LINGO2: variants seen among roughly 807,000 people sequenced by gnomAD.
LINGO2 encodes the protein leucine-rich repeat and immunoglobulin-like domain-containing nogo receptor-interacting protein 2.
A neutral mutation model predicts 30.6 loss-of-function variants in LINGO2; 14 were observed. The ratio of observed to expected loss-of-function variants is 0.46; its 90% CI spans 0.30 to 0.72. The LOEUF is 0.72. Among genes scored for constraint, LINGO2 ranks in the 30% least tolerant of loss-of-function variants. The pLI is 0.07. For synonymous variants in LINGO2, 317 were observed against 288.5 expected (o/e 1.10, Z -1.00); for missense variants, 729 against 751.7 (o/e 0.97, Z 0.35).
intron 4 of LINGO2, among the ~76,000 whole-genome samples, chr9:28,180,225 C>T (rs1828873665): frequency 6.6e-6 from 1 of 152,108 alleles, no homozygotes; most frequent in African/African-American, 2.4e-5. Flanking sequence ...TGTGCTATCT[C>T]CCTCAGGTGA....
At chr9:28,624,839 C>T (rs1197730686) in intron 1 of LINGO2, among the ~76,000 whole-genome samples, 2 of 151,234 alleles carry the variant, frequency 1.3e-5, no homozygotes, top group Non-Finnish European at 2.9e-5. Flanking sequence ...TGTGGCTGAG[C>T]TGATATCCAG....
At chr9:28,037,927 G>A (rs2132953706) in intron 4 of LINGO2, among the ~76,000 whole-genome samples, 1 of 152,316 alleles carries the variant, frequency 6.6e-6, no homozygotes, top group Non-Finnish European at 1.5e-5. Context: ...CCTGTGAGAA[G>A]GGATGTTCTC....
intron 1 of LINGO2, among the ~76,000 whole-genome samples, chr9:28,577,993 G>A (rs1051200027): frequency 2.6e-5 from 4 of 152,150 alleles, no homozygotes; most frequent in African/African-American, 9.7e-5. Context: ...GCTCTCTTCT[G>A]ATGATGGAGA....
At chr9:28,507,579 G>A (rs989683799) in intron 1 of LINGO2, among the ~76,000 whole-genome samples, 7 of 152,220 alleles carry the variant, frequency 4.6e-5, no homozygotes, top group African/African-American at 1.7e-4. Context: ...AGATGTCCAA[G>A]ATAGGTTAGT....
chr9:28,928,775 G>A, the LINGO2 span, among the ~76,000 whole-genome samples: 1 of 152,114 alleles, frequency 6.6e-6, no homozygotes, highest in African/African-American at 2.4e-5. Context: ...ATGAAATAGT[G>A]CAATTCCCTC....
chr9:28,548,222 G>C (rs1295931485), intron 1 of LINGO2, among the ~76,000 whole-genome samples: 1 of 152,046 alleles, frequency 6.6e-6, no homozygotes, highest in East Asian at 1.9e-4. Context: ...TCTTTGATCA[G>C]CCAAATGCAT....
chr9:28,592,068 G>C (rs1824939877), intron 1 of LINGO2, among the ~76,000 whole-genome samples: 1 of 152,002 alleles, frequency 6.6e-6, no homozygotes, highest in Non-Finnish European at 1.5e-5. Context: ...GTGACTTAGG[G>C]TTAAAATTAA....
chr9:29,146,624 A>G, the LINGO2 span, among the ~76,000 whole-genome samples: 1 of 152,196 alleles, frequency 6.6e-6, no homozygotes, highest in Non-Finnish European at 1.5e-5. Context: ...TTTAAAAGAA[A>G]AATGTGGCAG....
chr9:28,058,310 A>G (rs764722198), intron 4 of LINGO2, among the ~76,000 whole-genome samples: 1 of 152,162 alleles, frequency 6.6e-6, no homozygotes, highest in African/African-American at 2.4e-5. Flanking sequence ...TTAATAGGCC[A>G]TTTTACAATT....
chr9:29,030,658 T>C, the LINGO2 span, among the ~76,000 whole-genome samples: 2 of 152,180 alleles, frequency 1.3e-5, no homozygotes, highest in African/African-American at 2.4e-5. Context: ...AAGAAGTTCA[T>C]GATGTCACTG....
intron 2 of LINGO2, among the ~76,000 whole-genome samples, chr9:28,464,170 T>G: frequency 6.6e-6 from 1 of 152,330 alleles, no homozygotes; most frequent in East Asian, 1.9e-4. Flanking sequence ...TCCCATGTAA[T>G]TAAATTAGCA....
chr9:28,301,650 A>G (rs1375828904), intron 3 of LINGO2, among the ~76,000 whole-genome samples: 1 of 152,188 alleles, frequency 6.6e-6, no homozygotes, highest in Admixed American at 6.5e-5. Context: ...TTAATGTAAA[A>G]CATTTATTTC....
rs76692630 is a variant in LINGO2, at chr9:28,010,605, T to C, written c.-36+1750A>G. On this transcript the variant is annotated intron_variant, in intron 5 of 5. Transcript: ENST00000379992. Reference sequence around the variant, plus strand: ...AGTTGCTCCCTGCAATATCCTCAAATAGCCACAGAGCACCATGGGCTCAAC... The same window carrying C: ...AGTTGCTCCCTGCAATATCCTCAAACAGCCACAGAGCACCATGGGCTCAAC... Among the ~76,000 whole-genome samples, 14 of 152,342 alleles carry C rather than the reference T, an allele frequency of 9.2e-5. No homozygotes were observed. In the East Asian group the frequency reaches 2.3e-3, roughly 25 times the overall value.
chr9:28,782,583 T>C, the LINGO2 span, among the ~76,000 whole-genome samples: 4 of 152,154 alleles, frequency 2.6e-5, no homozygotes, highest in African/African-American at 9.7e-5. Flanking sequence ...TACTGAGAAA[T>C]TTGACAAAGA....
chr9:28,542,770 G>A (rs1821757495), intron 1 of LINGO2, among the ~76,000 whole-genome samples: 1 of 152,042 alleles, frequency 6.6e-6, no homozygotes, highest in Admixed American at 6.6e-5. Flanking sequence ...ATTCATGAGA[G>A]CAGTGATGTG....
the LINGO2 span, among the ~76,000 whole-genome samples, chr9:29,150,804 A>C: frequency 2.0e-5 from 3 of 152,148 alleles, no homozygotes; most frequent in Admixed American, 6.6e-5. Flanking sequence ...ATTAGGAGGG[A>C]GAATAAGCAA....
chr9:28,877,472 C>A, the LINGO2 span, among the ~76,000 whole-genome samples: 2 of 152,152 alleles, frequency 1.3e-5, no homozygotes, highest in African/African-American at 4.8e-5. Flanking sequence ...CTACATATGG[C>A]TAGCCAGTTT....
chr9:28,689,246 C>G, the LINGO2 span, among the ~76,000 whole-genome samples: 1 of 152,032 alleles, frequency 6.6e-6, no homozygotes, highest in Non-Finnish European at 1.5e-5. Context: ...TTATGACCAC[C>G]CCTAGCTACA....
At chr9:28,487,486 G>C (rs1235067466) in intron 1 of LINGO2, among the ~76,000 whole-genome samples, 1 of 152,060 alleles carries the variant, frequency 6.6e-6, no homozygotes, top group Admixed American at 6.6e-5. Context: ...AAATTTATCT[G>C]AAAACCTTTG....
Sources: gnomAD v4.1 joint callset for allele counts (sites outside exome capture counted in the v4.1 genomes callset) on GRCh38, gnomAD v4.1.1 for gene constraint, MANE v1.5 for transcripts, NCBI Gene and HGNC (gene_info 2026-07-23, HGNC 2026-07-21) for gene names.